IQSEC3: variants seen among roughly 807,000 people sequenced by gnomAD.
The protein encoded by IQSEC3 is IQ motif and SEC7 domain-containing protein 3.
In IQSEC3, 50 loss-of-function variants were observed where a neutral mutation model predicts 105.4. The ratio of observed to expected loss-of-function variants is 0.47; its 90% confidence interval spans 0.38 to 0.60. The LOEUF is 0.60. Among genes scored for constraint, IQSEC3 ranks in the 20% least tolerant of loss-of-function variants. IQSEC3 has a pLI of 0.00. For synonymous variants in IQSEC3, 708 were observed against 746.0 expected, an observed-to-expected ratio of 0.95 and a Z score of 0.83; for missense variants, 1,415 against 1,630.0, an observed-to-expected ratio of 0.87 and a Z score of 2.27.
At chr12:107,261 G>A (rs971734426) in intron 2 of IQSEC3, among the ~76,000 whole-genome samples, 2 of 152,140 alleles carry the variant, frequency 1.3e-5, no homozygotes, top group Admixed American at 1.3e-4. Context: ...CAGCTGGGAG[G>A]GGAAGGCCTC....
chr12:172,133 C>G (rs1939035154), intron 13 of IQSEC3, among the ~76,000 whole-genome samples: 1 of 152,176 alleles, frequency 6.6e-6, no homozygotes, highest in South Asian at 2.1e-4. Context: ...CATTAGGTGT[C>G]TTAGGAAGCT....
At chr12:117,714 A>C (rs1268975003) in intron 2 of IQSEC3, among the ~76,000 whole-genome samples, 1 of 152,214 alleles carries the variant, frequency 6.6e-6, no homozygotes. Flanking sequence ...GTGAGACCAA[A>C]GCCTGGAGGC....
Position 99,215 on chromosome 12 carries a change from G to C in IQSEC3, c.623+1G>C. 6.3e-7 allele frequency: 1 copy of C among 1,598,126 alleles called. No homozygotes were observed. Among genetic ancestry groups the C allele is most frequent in the Non-Finnish European group, 8.5e-7 (1 of 1,179,450 alleles). Reference sequence around the variant, plus strand: ...CCTGCTCCGACCTGGCCTCCCAAAGGTGGGAACTGTGGCCCTTCCTCCCTT... The same window carrying C: ...CCTGCTCCGACCTGGCCTCCCAAAGCTGGGAACTGTGGCCCTTCCTCCCTT... On this transcript the variant is annotated splice_donor_variant, in intron 2 of 13. Transcript: ENST00000538872. LOFTEE classifies it high-confidence loss of function.
At chr12:119,583 G>A (rs1376574827) in intron 2 of IQSEC3, among the ~76,000 whole-genome samples, 2 of 152,154 alleles carry the variant, frequency 1.3e-5, no homozygotes, top group African/African-American at 4.8e-5. Flanking sequence ...AAGCAGACTC[G>A]AGTTCAGAAT....
At chr12:89,477 T>C (rs1555072859) in intron 1 of IQSEC3, among the ~76,000 whole-genome samples, 1 of 152,212 alleles carries the variant, frequency 6.6e-6, no homozygotes, top group Admixed American at 6.5e-5. Flanking sequence ...TAAAATTAGA[T>C]ACAATAAAAT....
intron 1 of IQSEC3, among the ~76,000 whole-genome samples, chr12:95,629 G>T (rs530888061): frequency 6.6e-6 from 1 of 152,164 alleles, no homozygotes; most frequent in Middle Eastern, 3.4e-3. Flanking sequence ...TAATACTTGG[G>T]TTTGCATTCA....
At chr12:137,800 G>C (rs1289870929) in intron 3 of IQSEC3, among the ~76,000 whole-genome samples, 10 of 151,238 alleles carry the variant, frequency 6.6e-5, no homozygotes, top group Non-Finnish European at 1.3e-4. Flanking sequence ...GACCACAGGC[G>C]TGCGCGCACC....
chr12:71,684 C>T (rs1255893462), intron 1 of IQSEC3, among the ~76,000 whole-genome samples: 7 of 152,272 alleles, frequency 4.6e-5, no homozygotes, highest in Non-Finnish European at 8.8e-5. Context: ...CATCCTAAGT[C>T]CCTACCCATG....
intron 5 of IQSEC3, among the ~76,000 whole-genome samples, chr12:153,002 G>A (rs1041815159): frequency 6.6e-6 from 1 of 152,094 alleles, no homozygotes; most frequent in Non-Finnish European, 1.5e-5. Context: ...AGGATTCCAG[G>A]GCAGCAAAGA....
At chr12:114,887 T>C (rs1865002190) in intron 2 of IQSEC3, among the ~76,000 whole-genome samples, 1 of 152,176 alleles carries the variant, frequency 6.6e-6, no homozygotes, top group Non-Finnish European at 1.5e-5. Context: ...AGATATTCCA[T>C]TGTCACACAT....
At chr12:146,920 A>G (rs2137019952) in intron 5 of IQSEC3, among the ~76,000 whole-genome samples, 1 of 152,068 alleles carries the variant, frequency 6.6e-6, no homozygotes, top group African/African-American at 2.4e-5. Context: ...CTCCTGCCCC[A>G]CTCCCACCAC....
rs372758599 is a variant in IQSEC3 at position 115,732 on chromosome 12, A to G, written c.624-9901A>G. On this transcript the variant is annotated intron_variant, in intron 2 of 13. Coordinates refer to ENST00000538872, the MANE Select transcript of IQSEC3 (RefSeq NM_001170738.2). ...TTAAGGAACTAGCCCAGTGCCACACAGCTAGTGAGTGGCGGGATTTTAACC... is the reference window on the plus strand; with the variant it reads ...TTAAGGAACTAGCCCAGTGCCACACGGCTAGTGAGTGGCGGGATTTTAACC... Among the ~76,000 whole-genome samples, 45 of 152,346 alleles carry G rather than the reference A, an allele frequency of 3.0e-4. No individual in the cohort carries two copies. The East Asian group carries it at 8.5e-3, about 29-fold the overall frequency.
rs1246897584 is a variant in IQSEC3 at position 157,785 on chromosome 12, C to T, written c.2443+91C>T. 16 of 1,369,158 alleles carry T rather than the reference C, an allele frequency of 1.2e-5. No homozygotes were observed. The Admixed American group carries it at 3.5e-4, about 30-fold the overall frequency. The allele number at this position is 1,369,158 out of a possible 1,614,324, so 84.8% of individuals were successfully genotyped here. ...GCATTCTGTGAGTCTGAGCCCCTATCACAGATGGTCACCTGCTGTCTGGGC... is the reference window on the plus strand; with the variant it reads ...GCATTCTGTGAGTCTGAGCCCCTATTACAGATGGTCACCTGCTGTCTGGGC... On this transcript the variant is annotated intron_variant, in intron 7 of 13. Transcript: ENST00000538872.
At chr12:133,934 T>G (rs1419606496) in intron 3 of IQSEC3, among the ~76,000 whole-genome samples, 213 of 135,874 alleles carry the variant, frequency 1.6e-3, no homozygotes, top group Middle Eastern at 4.3e-3. Flanking sequence ...GCAGAGGTTA[T>G]TGTTCTGGAG....
intron 13 of IQSEC3, 139 bp downstream of exon 13, chr12:171,300 T>C: frequency 6.2e-7 from 1 of 1,614,012 alleles, no homozygotes; most frequent in Non-Finnish European, 8.5e-7. Context: ...TTTCAAGAGA[T>C]ACAATTAAAA....
At chr12:135,478 C>T (rs151132646) in intron 3 of IQSEC3, among the ~76,000 whole-genome samples, 39 of 152,342 alleles carry the variant, frequency 2.6e-4, no homozygotes, top group African/African-American at 9.4e-4. Context: ...GGGCAAAATT[C>T]TCAGATGGCC....
At chr12:136,987 C>G (rs1481611343) in intron 3 of IQSEC3, among the ~76,000 whole-genome samples, 1 of 152,126 alleles carries the variant, frequency 6.6e-6, no homozygotes, top group Non-Finnish European at 1.5e-5. Flanking sequence ...GGCCCCCTGA[C>G]AGAAGTTTTC....
chr12:113,967 T>C (rs541172783), intron 2 of IQSEC3, among the ~76,000 whole-genome samples: 3 of 152,378 alleles, frequency 2.0e-5, no homozygotes, highest in South Asian at 4.1e-4. Flanking sequence ...AATTCAAATC[T>C]AGGTTCAGGT....
At chr12:147,196 T>C (rs976641328) in intron 5 of IQSEC3, among the ~76,000 whole-genome samples, 1 of 152,132 alleles carries the variant, frequency 6.6e-6, no homozygotes, top group Non-Finnish European at 1.5e-5. Flanking sequence ...ACGTGGGCCT[T>C]CTAGAAGGGT....
Sources: gnomAD v4.1 joint callset for allele counts (sites outside exome capture counted in the v4.1 genomes callset) on GRCh38, gnomAD v4.1.1 for gene constraint, MANE v1.5 for transcripts, NCBI Gene and HGNC (gene_info 2026-07-23, HGNC 2026-07-21) for gene names.